The following XKRX variants were observed in gnomAD, a reference collection of about 807,000 sequenced individuals.
XKRX encodes XK-related protein 2.
XKRX carries 11 observed loss-of-function variants against 22.4 expected under a neutral mutation model. The ratio of observed to expected loss-of-function variants is 0.49; its 90% CI spans 0.31 to 0.81. The LOEUF is 0.81. Ranked by LOEUF, XKRX falls within the 40% of genes least tolerant of loss-of-function variation. The pLI, the probability that XKRX is intolerant of heterozygous loss-of-function variation, is 0.05. For missense variants in XKRX, 320 were observed against 336.5 expected (o/e 0.95, Z 0.38); for synonymous variants, 114 against 132.2 (o/e 0.86, Z 0.94).
chrX:100,904,274 C>T, the XKRX span, among the ~76,000 whole-genome samples: 1 of 109,996 alleles, frequency 9.1e-6, no homozygotes, highest in Non-Finnish European at 1.9e-5. Flanking sequence ...ACCAGACATA[C>T]ACATGCAGAA....
rs781362381 is a variant in XKRX at position 100,914,813 on chromosome X, C to T, written c.875G>A (p.Gly292Asp). ...CTCAATGTTATTGGGCATCTGGGCA[C>T]CACTTCTCCAGAACTTAATCCAGGG... ...FEPWIKFWRS[G>D]AQMPNNIEKN... The change falls in exon 3 of 3, where the codon GGT (glycine) becomes GAT (aspartate). Residue 292 changes from glycine (G) to aspartate (D), a missense_variant. Physicochemically the swap from Gly to Asp is moderately conservative, Grantham distance 94. Coordinates refer to ENST00000372956, the MANE Select transcript of XKRX (RefSeq NM_212559.3). The T allele has an allele frequency of 6.6e-6, 8 of 1,209,515 alleles. No individual in the cohort carries two copies. The East Asian group carries it at 1.8e-4, about 27-fold the overall frequency.
intron 1 of XKRX, among the ~76,000 whole-genome samples, chrX:100,925,321 G>T (rs57704523): frequency 0.012 from 1,349 of 111,935 alleles, 20 homozygotes; most frequent in African/African-American, 0.042. Context: ...TTCATGTAAG[G>T]CACCCAGACT....
At chrX:100,923,104 G>A (rs1005661978) in intron 1 of XKRX, 43 bp from the exon 2 acceptor site, 1 of 1,195,586 alleles carries the variant, frequency 8.4e-7, no homozygotes. Flanking sequence ...AAGCTGTCCT[G>A]GGAAGGGAGG....
chrX:100,936,883 G>A, the XKRX span, among the ~76,000 whole-genome samples: 1 of 106,354 alleles, frequency 9.4e-6, no homozygotes, highest in South Asian at 4.3e-4. Context: ...CCCCCCACAC[G>A]TGGAAATTAC....
At chrX:100,939,203 G>T in the XKRX span, among the ~76,000 whole-genome samples, 1 of 111,685 alleles carries the variant, frequency 9.0e-6, no homozygotes, top group African/African-American at 3.3e-5. Flanking sequence ...GTAGCTGATT[G>T]CCTCCAGGGA....
chrX:100,956,244 C>T, the XKRX span, among the ~76,000 whole-genome samples: 2 of 111,445 alleles, frequency 1.8e-5, no homozygotes, highest in Non-Finnish European at 3.8e-5. Flanking sequence ...GAATAGCTAA[C>T]GCATGCTGGG....
the XKRX span, among the ~76,000 whole-genome samples, chrX:100,944,681 G>A: frequency 2.7e-5 from 3 of 112,195 alleles, no homozygotes. Context: ...CTTTTTGAAT[G>A]CACCAGTTTT....
At chrX:100,924,843 G>C (rs2085491567) in intron 1 of XKRX, among the ~76,000 whole-genome samples, 2 of 111,668 alleles carry the variant, frequency 1.8e-5, no homozygotes, top group African/African-American at 6.5e-5. Context: ...GTAGACCAAA[G>C]ACAAGCCCAG....
At chrX:100,899,529 G>A in the XKRX span, among the ~76,000 whole-genome samples, 1 of 112,279 alleles carries the variant, frequency 8.9e-6, no homozygotes, top group Admixed American at 9.4e-5. Context: ...AAGAGAGAGA[G>A]AAATTGAGAA....
the XKRX span, among the ~76,000 whole-genome samples, chrX:100,938,985 C>T: frequency 8.9e-6 from 1 of 112,013 alleles, no homozygotes; most frequent in Admixed American, 9.5e-5. Context: ...TTAGATTCCA[C>T]ATAGTGCTGC....
the XKRX span, among the ~76,000 whole-genome samples, chrX:100,905,571 A>T: frequency 8.9e-6 from 1 of 112,154 alleles, no homozygotes; most frequent in Non-Finnish European, 1.9e-5. Flanking sequence ...CACCTTCCCA[A>T]ACAGAACTGC....
chrX:100,953,474 G>C, the XKRX span, among the ~76,000 whole-genome samples: 1 of 111,231 alleles, frequency 9.0e-6, no homozygotes, highest in African/African-American at 3.3e-5. Context: ...CAAAAAAAAA[G>C]GTAAATTGGA....
intron 2 of XKRX, among the ~76,000 whole-genome samples, chrX:100,917,674 A>AAAAAG (rs2085448567): frequency 3.9e-5 from 1 of 25,415 alleles, no homozygotes; most frequent in Admixed American, 5.5e-4. Flanking sequence ...AGAAAGAAAG[A>AAAAAG]AAAGAAAGAA....
chrX:100,888,621 T>C, the XKRX span: 1 of 421,602 alleles, frequency 2.4e-6, no homozygotes. Flanking sequence ...ACTTTAATGA[T>C]GCTTCTTTGT....
the XKRX span, among the ~76,000 whole-genome samples, chrX:100,906,710 T>C: frequency 1.1e-5 from 1 of 91,965 alleles, no homozygotes; most frequent in Non-Finnish European, 2.1e-5. Flanking sequence ...TTAACAGTTC[T>C]GGAGATCAGA....
chrX:100,959,172 G>A, the XKRX span, among the ~76,000 whole-genome samples: 15 of 111,431 alleles, frequency 1.3e-4, no homozygotes, highest in Non-Finnish European at 2.5e-4. Flanking sequence ...CTTGTTTTTC[G>A]AGAGAATCAA....
the XKRX span, among the ~76,000 whole-genome samples, chrX:100,936,471 G>A: frequency 4.1e-5 from 4 of 98,501 alleles, no homozygotes; most frequent in South Asian, 2.1e-3. Context: ...AACCCAGGAG[G>A]CAGAGGCTGC....
chrX:100,915,044 C>G lies in XKRX; in HGVS notation c.644G>C (p.Gly215Ala). 8.3e-7 allele frequency: 1 copy of G among 1,209,585 alleles called. No homozygotes were observed. Among genetic ancestry groups the G allele is most frequent in the Non-Finnish European group, 1.1e-6 (1 of 894,410 alleles). ...AGCCAACATATTGCAAAGGGTGGCC[C>G]CATAGGTGACAGATACCAGGGAAAA... ...MVFSLVSVTY[G>A]ATLCNMLAIQ... The change falls in exon 3 of 3, where the codon GGG becomes GCG. Residue 215 changes from glycine to alanine, a missense_variant. Gly to Ala is a moderately conservative substitution (Grantham distance 60). Transcript: ENST00000372956.
the XKRX span, among the ~76,000 whole-genome samples, chrX:100,937,210 C>T: frequency 9.0e-6 from 1 of 110,532 alleles, no homozygotes; most frequent in African/African-American, 3.3e-5. Context: ...AGGCTGGTCT[C>T]GAACTCCTGA....
Sources: gnomAD v4.1 joint callset for allele counts (sites outside exome capture counted in the v4.1 genomes callset) on GRCh38, gnomAD v4.1.1 for gene constraint, MANE v1.5 for transcripts, NCBI Gene and HGNC (gene_info 2026-07-23, HGNC 2026-07-21) for gene names.